ADGRV1: variants seen among roughly 807,000 people sequenced by gnomAD.
ADGRV1 encodes adhesion G protein-coupled receptor V1.
ADGRV1 carries 359 observed loss-of-function variants against 596.2 expected under a neutral mutation model. The ratio of observed to expected loss-of-function variants is 0.60; its 90% CI spans 0.55 to 0.66. The LOEUF (loss-of-function observed/expected upper bound fraction) is 0.66, where lower values mean the gene tolerates loss of function less well. ADGRV1 is among the 30% of genes least tolerant of loss of function. The pLI, the probability that ADGRV1 is intolerant of heterozygous loss-of-function variation, is 0.00. For synonymous variants in ADGRV1, 2,681 were observed against 2,679.2 expected (o/e 1.00, Z -0.02); for missense variants, 7,274 against 7,575.6 (o/e 0.96, Z 1.48).
intron 86 of ADGRV1, chr5:91,091,715 A>G (rs1183550436): frequency 1.4e-5 from 2 of 145,708 alleles, no homozygotes; most frequent in East Asian, 4.1e-4. Context: ...TTTCAGTTTT[A>G]GTTCGAAAGC....
At chr5:90,583,825 T>A (rs959366436) in intron 1 of ADGRV1, among the ~76,000 whole-genome samples, 1 of 130,210 alleles carries the variant, frequency 7.7e-6, no homozygotes, top group Non-Finnish European at 1.7e-5. Context: ...CTGAGTTGGA[T>A]TATAGAGAGA....
intron 21 of ADGRV1, among the ~76,000 whole-genome samples, chr5:90,659,163 C>CT (rs1251127827): frequency 6.6e-6 from 1 of 152,204 alleles, no homozygotes; most frequent in South Asian, 2.1e-4. Context: ...TAGTATGGTC[C>CT]TTTTTTTACA....
chr5:90,938,456 C>T (rs1436606855), intron 83 of ADGRV1, among the ~76,000 whole-genome samples: 1 of 152,162 alleles, frequency 6.6e-6, no homozygotes, highest in African/African-American at 2.4e-5. Context: ...GAAAAGATAA[C>T]AGTGAGACTG....
At chr5:90,659,344 C>CGTTATTAACCAGTGTGATAGT (rs1769902568) in intron 21 of ADGRV1, among the ~76,000 whole-genome samples, 2 of 152,058 alleles carry the variant, frequency 1.3e-5, no homozygotes, top group Admixed American at 1.3e-4. Context: ...AATATAGGTG[C>CGTTATTAACCAGTGTGATAGT]GTTATTAACC....
intron 55 of ADGRV1, 38 bp from the exon 56 acceptor site, chr5:90,756,416 A>G: frequency 7.1e-7 from 1 of 1,412,716 alleles, no homozygotes; most frequent in Non-Finnish European, 9.5e-7. Flanking sequence ...AATGTCTTAA[A>G]AAAAAATGAA....
intron 87 of ADGRV1, among the ~76,000 whole-genome samples, chr5:91,149,215 G>A (rs1376721283): frequency 6.6e-6 from 1 of 152,184 alleles, no homozygotes; most frequent in African/African-American, 2.4e-5. Context: ...ATGAGATTTG[G>A]GAGTGCCCAG....
intron 50 of ADGRV1, among the ~76,000 whole-genome samples, chr5:90,743,276 C>G (rs1392109082): frequency 6.6e-6 from 1 of 152,062 alleles, no homozygotes; most frequent in African/African-American, 2.4e-5. Flanking sequence ...ACTGCCTTAA[C>G]TTTTTATGCA....
chr5:90,697,077 T>C lies in ADGRV1; in HGVS notation c.8086T>C (p.Leu2696=), dbSNP rs764463202. The change falls in exon 34 of 90, where the codon TTG becomes CTG. Residue 2696 remains leucine, a synonymous_variant. Transcript: ENST00000405460. ...PSSDTVRVNI[L]ANDNVAGIVS... ...CTCCGACACTGTTAGAGTGAACATT[T>C]TGGCCAATGACAATGTGGCAGGAAT... is the stretch of plus-strand genomic sequence containing the variant. 1.2e-6 allele frequency: 2 copies of C among 1,613,506 alleles called. No homozygotes were observed. The highest frequency in any genetic ancestry group is 1.7e-6 in the Non-Finnish European group (2 of 1,179,512).
At chr5:90,774,493 G>A (rs1758015071) in intron 60 of ADGRV1, among the ~76,000 whole-genome samples, 190 bp downstream of exon 60, 1 of 152,102 alleles carries the variant, frequency 6.6e-6, no homozygotes, top group Non-Finnish European at 1.5e-5. Flanking sequence ...ATCTTGGTAA[G>A]GTCATAGGTC....
At chr5:90,666,382 C>T (rs1366811248) in intron 21 of ADGRV1, among the ~76,000 whole-genome samples, 1 of 152,040 alleles carries the variant, frequency 6.6e-6, no homozygotes, top group Non-Finnish European at 1.5e-5. Flanking sequence ...CCTTCTTTGT[C>T]TCTTTTGATC....
At chr5:91,117,377 A>G (rs904274627) in intron 87 of ADGRV1, among the ~76,000 whole-genome samples, 1 of 152,130 alleles carries the variant, frequency 6.6e-6, no homozygotes, top group South Asian at 2.1e-4. Context: ...CCCTCAATAT[A>G]TATTATAATA....
intron 25 of ADGRV1, among the ~76,000 whole-genome samples, chr5:90,677,312 AAGG>A (rs1294335425): frequency 6.6e-6 from 1 of 152,168 alleles, no homozygotes; most frequent in Non-Finnish European, 1.5e-5. Flanking sequence ...AGGTAAGAGC[AAGG>A]AGACCAAGCC....
At chr5:90,595,189 T>A (rs1238277) in intron 1 of ADGRV1, among the ~76,000 whole-genome samples, 384 of 26,172 alleles carry the variant, frequency 0.015, no homozygotes, top group Admixed American at 0.016. Context: ...CCTCCCGGAC[T>A]GGGCGGCTGG....
At chr5:90,828,388 G>T (rs1015509917) in intron 76 of ADGRV1, among the ~76,000 whole-genome samples, 1 of 151,598 alleles carries the variant, frequency 6.6e-6, no homozygotes, top group Non-Finnish European at 1.5e-5. Flanking sequence ...TCCCTGCCCT[G>T]TCCCCACCCA....
intron 70 of ADGRV1, among the ~76,000 whole-genome samples, chr5:90,794,375 T>A (rs1175409792): frequency 1.3e-5 from 2 of 152,118 alleles, no homozygotes; most frequent in Non-Finnish European, 2.9e-5. Context: ...AGACTGACAA[T>A]AAGAATCATT....
chr5:90,882,637 C>G (rs1046200594), intron 83 of ADGRV1, among the ~76,000 whole-genome samples: 2 of 152,122 alleles, frequency 1.3e-5, no homozygotes, highest in Non-Finnish European at 2.9e-5. Context: ...ACACTCACCC[C>G]CTTCCTGCTT....
chr5:90,672,849 G>A lies in ADGRV1; in HGVS notation c.4929+127G>A, dbSNP rs1221897715. 4 of 666,008 alleles carry A rather than the reference G, an allele frequency of 6.0e-6. No homozygotes were observed. In the East Asian group the frequency reaches 1.1e-4, roughly 18 times the overall value. 41.3% of individuals were successfully genotyped at this position (666,008 alleles called of 1,614,324 possible). ...CCCATTATTATTTACAACTGTAACT[G>A]ATACATTAGAATTTGCTTCAAACAT... is the stretch of plus-strand genomic sequence containing the variant. On this transcript the variant is annotated intron_variant, in intron 22 of 89. Coordinates refer to ENST00000405460, the MANE Select transcript of ADGRV1 (RefSeq NM_032119.4).
At chr5:90,747,992 C>T (rs1276753314) in intron 52 of ADGRV1, among the ~76,000 whole-genome samples, 3 of 152,172 alleles carry the variant, frequency 2.0e-5, no homozygotes, top group Admixed American at 1.3e-4. Context: ...GAAGGAACAA[C>T]TCTGACCATA....
At chr5:90,783,447 T>TG (rs758982071) in intron 66 of ADGRV1, 122 bp downstream of exon 66, 12 of 735,916 alleles carry the variant, frequency 1.6e-5, no homozygotes, top group Non-Finnish European at 2.7e-5. Flanking sequence ...AAACAACAGG[T>TG]GAAATACTTT....
Sources: gnomAD v4.1 joint callset for allele counts (sites outside exome capture counted in the v4.1 genomes callset) on GRCh38, gnomAD v4.1.1 for gene constraint, MANE v1.5 for transcripts, NCBI Gene and HGNC (gene_info 2026-07-23, HGNC 2026-07-21) for gene names.